Variants in TAB2 observed in about 807,000 individuals in gnomAD.
TAB2 encodes TGF-beta activated kinase 1 (MAP3K7) binding protein 2, also known as TGF-beta-activated kinase 1 and MAP3K7-binding protein 2.
Under a neutral mutation model 65.0 loss-of-function variants are expected in TAB2, and 3 were observed. That is an observed-to-expected ratio of 0.05 (90% CI 0.02 to 0.12). TAB2 has a LOEUF of 0.12. Among genes scored for constraint, TAB2 ranks in the 10% least tolerant of loss-of-function variants. The pLI is 1.00. For synonymous variants in TAB2, 298 were observed against 285.1 expected, an observed-to-expected ratio of 1.05 and a Z score of -0.46; for missense variants, 623 against 840.3, an observed-to-expected ratio of 0.74 and a Z score of 3.20.
intron 1 of TAB2, among the ~76,000 whole-genome samples, chr6:149,282,799 T>C (rs1172859626): frequency 2.6e-5 from 4 of 152,156 alleles, no homozygotes; most frequent in Non-Finnish European, 5.9e-5. Context: ...CATGAATTCG[T>C]CACACACTGA....
At chr6:149,288,854 ATT>A (rs71007938) in intron 1 of TAB2, among the ~76,000 whole-genome samples, 135 of 115,336 alleles carry the variant, frequency 1.2e-3, no homozygotes, top group East Asian at 2.5e-3. Context: ...TTAATTTTTA[ATT>A]TTTTTTTTTT....
intron 1 of TAB2, among the ~76,000 whole-genome samples, chr6:149,338,531 TGAG>T (rs1026499941): frequency 1.1e-4 from 17 of 152,210 alleles, no homozygotes; most frequent in African/African-American, 3.1e-4. Flanking sequence ...AATGGAAAGT[TGAG>T]GAGGGAAACT....
intron 1 of TAB2, among the ~76,000 whole-genome samples, chr6:149,249,482 CTCTCTCTGTCTCTT>C (rs1002102426): frequency 9.9e-5 from 15 of 151,398 alleles, no homozygotes; most frequent in Admixed American, 7.2e-4. Context: ...TTCTCTCTGT[CTCTCTCTGTCTCTT>C]TCTCTCTATC....
At chr6:149,258,830 G>C (rs760186877) in intron 1 of TAB2, among the ~76,000 whole-genome samples, 1 of 152,220 alleles carries the variant, frequency 6.6e-6, no homozygotes, top group African/African-American at 2.4e-5. Context: ...GCAAGCTACT[G>C]ATCAGCTGAC....
At chr6:149,350,512 A>G (rs956398727) in intron 1 of TAB2, among the ~76,000 whole-genome samples, 1 of 151,978 alleles carries the variant, frequency 6.6e-6, no homozygotes, top group South Asian at 2.1e-4. Flanking sequence ...CTTCTCTTAC[A>G]TTCTTGTACA....
chr6:149,311,054 A>G (rs702359), intron 1 of TAB2, among the ~76,000 whole-genome samples: 67,416 of 151,944 alleles, frequency 0.44, 15,409 homozygotes, highest in African/African-American at 0.57. Context: ...AATTGAGGGT[A>G]GATCAAGCAT....
intron 1 of TAB2, among the ~76,000 whole-genome samples, chr6:149,353,219 A>G (rs1318790410): frequency 6.6e-6 from 1 of 151,220 alleles, no homozygotes; most frequent in African/African-American, 2.5e-5. Context: ...CTGCATTTCA[A>G]AGCTCTGGGT....
At chr6:149,337,803 G>A (rs1779979856) in intron 1 of TAB2, among the ~76,000 whole-genome samples, 1 of 152,162 alleles carries the variant, frequency 6.6e-6, no homozygotes, top group Admixed American at 6.5e-5. Context: ...TGGGAAGACT[G>A]GCAGGGAGCT....
chr6:149,229,275 A>G (rs950382788), intron 1 of TAB2, among the ~76,000 whole-genome samples: 1 of 152,178 alleles, frequency 6.6e-6, no homozygotes, highest in African/African-American at 2.4e-5. Flanking sequence ...GTAACTAAAC[A>G]CAAGAATAAG....
chr6:149,268,014 G>T (rs1230769151), intron 1 of TAB2, among the ~76,000 whole-genome samples: 1 of 152,146 alleles, frequency 6.6e-6, no homozygotes, highest in Non-Finnish European at 1.5e-5. Flanking sequence ...AAAATCAAAA[G>T]CTATAGCAAA....
intron 1 of TAB2, among the ~76,000 whole-genome samples, chr6:149,272,409 C>A (rs1417557837): frequency 6.6e-6 from 1 of 152,196 alleles, no homozygotes; most frequent in African/African-American, 2.4e-5. Context: ...GGGTCATGTT[C>A]CTTTTGGAGG....
At chr6:149,310,006 T>G (rs931717099) in intron 1 of TAB2, among the ~76,000 whole-genome samples, 5 of 152,250 alleles carry the variant, frequency 3.3e-5, no homozygotes, top group Middle Eastern at 6.8e-3. Context: ...TTAAACTCAT[T>G]TTGTCAACTT....
At chr6:149,345,416 T>A (rs1216757171) in intron 1 of TAB2, among the ~76,000 whole-genome samples, 1 of 152,162 alleles carries the variant, frequency 6.6e-6, no homozygotes, top group Non-Finnish European at 1.5e-5. Context: ...TTTGAGTTAT[T>A]TGAAGGTACC....
intron 1 of TAB2, among the ~76,000 whole-genome samples, chr6:149,270,552 A>C (rs959977719): frequency 6.6e-6 from 1 of 152,210 alleles, no homozygotes; most frequent in Admixed American, 6.5e-5. Flanking sequence ...GAGGTCATGA[A>C]CATGTTAATT....
chr6:149,236,247 A>G (rs1046089148), intron 1 of TAB2, among the ~76,000 whole-genome samples: 2 of 152,174 alleles, frequency 1.3e-5, no homozygotes, highest in Non-Finnish European at 2.9e-5. Flanking sequence ...ATAAAATAAA[A>G]TGGTCCAGGA....
chr6:149,255,059 G>A (rs1361490242), intron 1 of TAB2, among the ~76,000 whole-genome samples: 2 of 152,306 alleles, frequency 1.3e-5, no homozygotes, highest in East Asian at 1.9e-4. Context: ...GGGGCAAAAC[G>A]TTATGGACTA....
At chr6:149,309,474 G>A (rs567315934) in intron 1 of TAB2, among the ~76,000 whole-genome samples, 7 of 148,938 alleles carry the variant, frequency 4.7e-5, no homozygotes, top group East Asian at 2.0e-4. Context: ...TCCGCTCACC[G>A]CAAGCTCCAC....
intron 1 of TAB2, among the ~76,000 whole-genome samples, chr6:149,335,020 T>A (rs1779892178): frequency 6.6e-6 from 1 of 151,382 alleles, no homozygotes; most frequent in Admixed American, 6.6e-5. Context: ...CACCCCTCCC[T>A]TCCGCCTCCC....
At chr6:149,409,001 G>A (rs762063951) in intron 6 of TAB2, among the ~76,000 whole-genome samples, 16 of 152,086 alleles carry the variant, frequency 1.1e-4, no homozygotes, top group Non-Finnish European at 1.9e-4. Context: ...ACCAAATGTG[G>A]TTTTTAAAAA....
Sources: gnomAD v4.1 joint callset for allele counts (sites outside exome capture counted in the v4.1 genomes callset) on GRCh38, gnomAD v4.1.1 for gene constraint, MANE v1.5 for transcripts, NCBI Gene and HGNC (gene_info 2026-07-23, HGNC 2026-07-21) for gene names.